Variants in ZFYVE28 observed in about 807,000 individuals in gnomAD.
The protein encoded by ZFYVE28 is lateral signaling target protein 2 homolog.
A neutral mutation model predicts 82.1 loss-of-function variants in ZFYVE28; 40 were observed. That is an observed-to-expected ratio of 0.49 (90% CI 0.38 to 0.63). The LOEUF is 0.63. Ranked by LOEUF, ZFYVE28 falls within the 30% of genes least tolerant of loss-of-function variation. The pLI, the probability that ZFYVE28 is intolerant of heterozygous loss-of-function variation, is 0.00. For missense variants in ZFYVE28, 1,321 were observed against 1,242.1 expected (o/e 1.06, Z -0.96); for synonymous variants, 612 against 546.1 (o/e 1.12, Z -1.68).
chr4:2,308,683 G>GAAAGAAAGAGAAAGAAAGAAAAGAAAAGA lies in ZFYVE28; in HGVS notation c.804-3148_804-3147insTCTTTTCTTTTCTTTCTTTCTCTTTCTTT, dbSNP rs1553830773. On this transcript the variant is annotated intron_variant, in intron 7 of 12. Coordinates refer to ENST00000290974, the MANE Select transcript of ZFYVE28 (RefSeq NM_020972.3). ...AAAGAAAGAAAGAAAGAAAGAGAAA[G>GAAAGAAAGAGAAAGAAAGAAAAGAAAAGA]AAAGAAAAGAAAAGAAAAGAAAAAA... 1.7e-4 allele frequency among the ~76,000 whole-genome samples: 14 copies of GAAAGAAAGAGAAAGAAAGAAAAGAAAAGA among 81,506 alleles called. 1 individual carries two copies. The highest frequency in any genetic ancestry group is 6.9e-4 in the African/African-American group (14 of 20,184). 53.5% of individuals were successfully genotyped at this position (81,506 alleles called of 152,430 possible). A position where few individuals can be genotyped will look rare whatever the true frequency, so the allele number is the denominator to read the frequency against.
At chr4:2,330,181 T>G in intron 6 of ZFYVE28, 2 of 745,106 alleles carry the variant, frequency 2.7e-6, no homozygotes, top group Non-Finnish European at 1.6e-6. Flanking sequence ...AATGAAAATG[T>G]TATGAAATTT....
At chr4:2,301,133 C>G (rs1311804569) in intron 8 of ZFYVE28, among the ~76,000 whole-genome samples, 1 of 143,100 alleles carries the variant, frequency 7.0e-6, no homozygotes, top group Non-Finnish European at 1.5e-5. Flanking sequence ...CCCCACTGCG[C>G]TATCACCCCC....
chr4:2,404,627 G>C (rs1373758442), intron 1 of ZFYVE28, among the ~76,000 whole-genome samples: 1 of 152,192 alleles, frequency 6.6e-6, no homozygotes, highest in East Asian at 1.9e-4. Flanking sequence ...GTCCAGAACA[G>C]GCAAATCCGC....
chr4:2,333,817 T>C (rs1268220593), intron 6 of ZFYVE28, among the ~76,000 whole-genome samples: 1 of 152,222 alleles, frequency 6.6e-6, no homozygotes, highest in Non-Finnish European at 1.5e-5. Context: ...TGCTGTTCTG[T>C]TTTTTAAACA....
chr4:2,311,384 G>T (rs1717448669), intron 7 of ZFYVE28, among the ~76,000 whole-genome samples: 1 of 152,082 alleles, frequency 6.6e-6, no homozygotes, highest in South Asian at 2.1e-4. Context: ...AAATTAGCTG[G>T]GTGTGGTGGC....
chr4:2,312,722 G>C (rs1449758800), intron 7 of ZFYVE28, among the ~76,000 whole-genome samples: 10 of 84,386 alleles, frequency 1.2e-4, no homozygotes, highest in Admixed American at 5.0e-4. Context: ...GCGAGACTCT[G>C]CCTCAAAAAA....
chr4:2,379,783 T>C (rs914014092), intron 1 of ZFYVE28, among the ~76,000 whole-genome samples: 1 of 152,080 alleles, frequency 6.6e-6, no homozygotes, highest in Admixed American at 6.5e-5. Context: ...TTTAAATTTT[T>C]AAATTTTCAC....
intron 1 of ZFYVE28, among the ~76,000 whole-genome samples, chr4:2,386,281 T>G (rs1224525604): frequency 1.3e-5 from 2 of 152,108 alleles, no homozygotes; most frequent in Non-Finnish European, 2.9e-5. Flanking sequence ...GGTCAGGAGT[T>G]CAACACCAGC....
In ZFYVE28 at chr4:2,283,837, C is replaced by T. The variant is rs192887998; in HGVS notation, c.2052-9621G>A. Among the ~76,000 whole-genome samples, 460 of 152,264 alleles carry T rather than the reference C, an allele frequency of 3.0e-3. 2 individuals are homozygous for T. The highest frequency in any genetic ancestry group is 4.9e-3 in the Non-Finnish European group (330 of 68,018). On this transcript the variant is annotated intron_variant, in intron 8 of 12. Coordinates refer to ENST00000290974, the MANE Select transcript of ZFYVE28 (RefSeq NM_020972.3). ...AGTGCCAGGGAGGGTTCCTGGAAGG[C>T]GCAGCATGAGGACAGCTTGAATGAA...
At chr4:2,325,385 T>C (rs1056110597) in intron 6 of ZFYVE28, among the ~76,000 whole-genome samples, 29 of 152,110 alleles carry the variant, frequency 1.9e-4, no homozygotes, top group Admixed American at 1.3e-4. Flanking sequence ...CTAATAATGA[T>C]TCAAACATTT....
intron 6 of ZFYVE28, chr4:2,328,387 T>C (rs1392177712): frequency 2.0e-5 from 3 of 152,172 alleles, no homozygotes; most frequent in East Asian, 1.9e-4. Flanking sequence ...ACAGTGGTTA[T>C]AGAGGCTGGG....
rs1722509208 is a variant in ZFYVE28 at position 2,339,922 on chromosome 4, C to CAGGGGAGGGGAGGGCAGGGGAGGGG, written c.319-292_319-268dup. On this transcript the variant is annotated intron_variant, in intron 3 of 12. Coordinates refer to ENST00000290974, the MANE Select transcript of ZFYVE28 (RefSeq NM_020972.3). The surrounding 1 kb of genome is among the most constrained non-coding windows in gnomAD (Gnocchi z 5.0). ...CAGGGCATGGCAGGGCAGGTAAGGG[C>CAGGGGAGGGGAGGGCAGGGGAGGGG]AGGGGAGGGGAGGGCAGGGGAGGGG... 1.3e-5 allele frequency among the ~76,000 whole-genome samples: 1 copy of CAGGGGAGGGGAGGGCAGGGGAGGGG among 76,966 alleles called. No homozygotes were observed. Among genetic ancestry groups the CAGGGGAGGGGAGGGCAGGGGAGGGG allele is most frequent in the Non-Finnish European group, 2.5e-5 (1 of 39,440 alleles). The allele number at this position is 76,966 out of a possible 152,430, so 50.5% of individuals were successfully genotyped here. A position where few individuals can be genotyped will look rare whatever the true frequency, so the allele number is the denominator to read the frequency against.
At chr4:2,355,800 C>G (rs1378888295) in intron 1 of ZFYVE28, among the ~76,000 whole-genome samples, 1 of 152,190 alleles carries the variant, frequency 6.6e-6, no homozygotes, top group Non-Finnish European at 1.5e-5. Context: ...TGGTCTTGAA[C>G]TCCTGGCCTG....
intron 2 of ZFYVE28, among the ~76,000 whole-genome samples, chr4:2,352,177 G>A (rs1246208154): frequency 6.6e-6 from 1 of 152,184 alleles, no homozygotes; most frequent in East Asian, 1.9e-4. Flanking sequence ...TCAATGTCCA[G>A]CTGTGCTGGG....
intron 2 of ZFYVE28, among the ~76,000 whole-genome samples, chr4:2,346,424 C>T (rs1723608030): frequency 6.6e-6 from 1 of 150,752 alleles, no homozygotes; most frequent in South Asian, 2.1e-4. Flanking sequence ...GAGATCTATA[C>T]AAGGGAAAAG....
At chr4:2,283,975 CG>C (rs1446997359) in intron 8 of ZFYVE28, among the ~76,000 whole-genome samples, 2 of 152,182 alleles carry the variant, frequency 1.3e-5, no homozygotes, top group African/African-American at 4.8e-5. Context: ...CTGGACAGTT[CG>C]GACCTTGGCC....
chr4:2,307,919 A>G (rs1366632837), intron 7 of ZFYVE28, among the ~76,000 whole-genome samples: 1 of 152,188 alleles, frequency 6.6e-6, no homozygotes, highest in South Asian at 2.1e-4. Context: ...GTGGTCTTCT[A>G]TTGACTCAGC....
rs1733105619 is a variant in ZFYVE28, at chr4:2,416,893, C to T, written c.39+1392G>A. Among the ~76,000 whole-genome samples, 1 of 152,112 alleles carries T rather than the reference C, an allele frequency of 6.6e-6. No individual in the cohort carries two copies. Among genetic ancestry groups the T allele is most frequent in the African/African-American group, 2.4e-5 (1 of 41,444 alleles). ...AACCCAACACTCCGGCAACGACAAA[C>T]AGAATTCCCCGACCTCAAAGGCCGT... On this transcript the variant is annotated intron_variant, in intron 1 of 12. Transcript: ENST00000290974. The surrounding 1 kb of genome is among the most constrained non-coding windows in gnomAD (Gnocchi z 4.6).
chr4:2,282,948 T>A (rs1431837830), intron 8 of ZFYVE28, among the ~76,000 whole-genome samples: 2 of 152,052 alleles, frequency 1.3e-5, no homozygotes, highest in Non-Finnish European at 2.9e-5. Flanking sequence ...ACAAAGAACA[T>A]CAAGAGTGAC....
Sources: gnomAD v4.1 joint callset for allele counts (sites outside exome capture counted in the v4.1 genomes callset) on GRCh38, gnomAD v4.1.1 for gene constraint, Gnocchi (gnomAD v3.1) non-coding constraint, MANE v1.5 for transcripts, NCBI Gene and HGNC (gene_info 2026-07-23, HGNC 2026-07-21) for gene names.